GPR158: variants seen among roughly 807,000 people sequenced by gnomAD.
GPR158 encodes the protein G protein-coupled receptor 158.
A neutral mutation model predicts 78.2 loss-of-function variants in GPR158; 30 were observed. That is an observed-to-expected ratio of 0.38 (90% CI 0.29 to 0.52). The LOEUF (loss-of-function observed/expected upper bound fraction) is 0.52, where lower values mean the gene tolerates loss of function less well. Among genes scored for constraint, GPR158 ranks in the 20% least tolerant of loss-of-function variants. The probability of loss-of-function intolerance (pLI) is 0.83; values close to 1 mark genes in which losing one functional copy is unlikely to be tolerated. For synonymous variants in GPR158, 581 were observed against 591.1 expected, an observed-to-expected ratio of 0.98 and a Z score of 0.25; for missense variants, 1,463 against 1,523.5, an observed-to-expected ratio of 0.96 and a Z score of 0.66.
intron 2 of GPR158, among the ~76,000 whole-genome samples, chr10:25,278,567 T>A (rs1350237484): frequency 2.0e-5 from 3 of 152,020 alleles, no homozygotes; most frequent in Non-Finnish European, 4.4e-5. Flanking sequence ...GATAAAGTGC[T>A]GAGTGTATTT....
chr10:25,296,531 T>C (rs1854517874), intron 2 of GPR158, among the ~76,000 whole-genome samples: 1 of 152,192 alleles, frequency 6.6e-6, no homozygotes. Flanking sequence ...TGATTGATCT[T>C]TCCTTGTCCA....
intron 6 of GPR158, among the ~76,000 whole-genome samples, chr10:25,568,273 C>T (rs1278721556): frequency 6.6e-6 from 1 of 152,166 alleles, no homozygotes; most frequent in East Asian, 1.9e-4. Flanking sequence ...GATGGGGAGC[C>T]GTTGGAGTTT....
At chr10:25,504,525 G>T (rs545746653) in intron 5 of GPR158, among the ~76,000 whole-genome samples, 1 of 152,216 alleles carries the variant, frequency 6.6e-6, no homozygotes, top group African/African-American at 2.4e-5. Context: ...TCATCTGAAG[G>T]TATGTTAAAC....
chr10:25,353,364 C>G (rs1384946091), intron 2 of GPR158, among the ~76,000 whole-genome samples: 1 of 151,804 alleles, frequency 6.6e-6, no homozygotes, highest in East Asian at 1.9e-4. Flanking sequence ...AAATGGAGGC[C>G]AAGTTTTCTG....
chr10:25,298,606 G>C (rs921622383), intron 2 of GPR158, among the ~76,000 whole-genome samples: 3 of 152,090 alleles, frequency 2.0e-5, no homozygotes, highest in African/African-American at 7.2e-5. Context: ...TCCTTTATCA[G>C]CTCAGCCAGA....
chr10:25,357,872 G>C (rs1855574907), intron 2 of GPR158, among the ~76,000 whole-genome samples: 1 of 152,054 alleles, frequency 6.6e-6, no homozygotes, highest in Admixed American at 6.6e-5. Flanking sequence ...GATTCACTGA[G>C]AGCTTGTACT....
chr10:25,533,083 CA>C (rs912776844), intron 5 of GPR158, among the ~76,000 whole-genome samples: 1 of 151,980 alleles, frequency 6.6e-6, no homozygotes, highest in Admixed American at 6.6e-5. Flanking sequence ...TTTTGTCTTG[CA>C]AAAAATGCTT....
intron 2 of GPR158, among the ~76,000 whole-genome samples, chr10:25,264,048 C>T (rs962345640): frequency 1.7e-4 from 26 of 152,162 alleles, no homozygotes; most frequent in African/African-American, 5.8e-4. Flanking sequence ...TCATTCCTAA[C>T]TGATGAATAT....
chr10:25,241,430 T>C lies in GPR158; in HGVS notation c.1008+20273T>C, dbSNP rs533913856. 2.0e-5 allele frequency among the ~76,000 whole-genome samples: 3 copies of C among 149,296 alleles called. 1 individual carries two copies. In the South Asian group the frequency reaches 6.4e-4, roughly 32 times the overall value. On this transcript the variant is annotated intron_variant, in intron 2 of 10. Transcript: ENST00000376351. ...TCTTCTCTTTTCTTTTCTTTTCTTTTCTTTTCTTTCGACAGAGTCTTGCTC... is the reference window on the plus strand; with the variant it reads ...TCTTCTCTTTTCTTTTCTTTTCTTTCCTTTTCTTTCGACAGAGTCTTGCTC...
At chr10:25,484,362 G>T (rs1444563564) in intron 5 of GPR158, among the ~76,000 whole-genome samples, 1 of 152,170 alleles carries the variant, frequency 6.6e-6, no homozygotes, top group Non-Finnish European at 1.5e-5. Context: ...GAATAAGCAA[G>T]GAAAGGTTAA....
chr10:25,211,980 T>C (rs1853137753), intron 1 of GPR158, among the ~76,000 whole-genome samples: 1 of 152,206 alleles, frequency 6.6e-6, no homozygotes, highest in South Asian at 2.1e-4. Context: ...CCTCTTTTTC[T>C]TTTTCACAAC....
At chr10:25,263,815 T>C (rs1418937464) in intron 2 of GPR158, among the ~76,000 whole-genome samples, 1 of 152,164 alleles carries the variant, frequency 6.6e-6, no homozygotes, top group African/African-American at 2.4e-5. Context: ...TGGGTGCCTG[T>C]AATCCCATCT....
intron 5 of GPR158, among the ~76,000 whole-genome samples, chr10:25,540,898 A>G (rs894727559): frequency 3.3e-5 from 5 of 150,904 alleles, no homozygotes; most frequent in African/African-American, 1.2e-4. Flanking sequence ...ATATGTAACA[A>G]ACCTGCACAT....
chr10:25,277,760 G>C (rs1854205559), intron 2 of GPR158, among the ~76,000 whole-genome samples: 1 of 152,102 alleles, frequency 6.6e-6, no homozygotes, highest in African/African-American at 2.4e-5. Context: ...AAATAGCCCA[G>C]AAAAAACTTC....
chr10:25,356,232 C>G (rs1252380092), intron 2 of GPR158, among the ~76,000 whole-genome samples: 1 of 151,982 alleles, frequency 6.6e-6, no homozygotes, highest in Non-Finnish European at 1.5e-5. Context: ...TTTTTCACTT[C>G]TATGTGGCCC....
At chr10:25,284,241 G>T (rs1482776429) in intron 2 of GPR158, among the ~76,000 whole-genome samples, 1 of 151,892 alleles carries the variant, frequency 6.6e-6, no homozygotes, top group East Asian at 1.9e-4. Flanking sequence ...GTGTGGGTTT[G>T]TCTATTTTTC....
chr10:25,249,693 G>A (rs1190113631), intron 2 of GPR158, among the ~76,000 whole-genome samples: 1 of 151,762 alleles, frequency 6.6e-6, no homozygotes, highest in African/African-American at 2.4e-5. Context: ...GCTTTTTGAT[G>A]TGCTGCTGGA....
intron 5 of GPR158, among the ~76,000 whole-genome samples, chr10:25,492,247 A>G: frequency 6.6e-6 from 1 of 152,152 alleles, no homozygotes; most frequent in East Asian, 1.9e-4. Context: ...CCACCTGCAT[A>G]ACCCAAACAC....
intron 5 of GPR158, among the ~76,000 whole-genome samples, chr10:25,500,354 G>A (rs1300124291): frequency 6.6e-6 from 1 of 152,174 alleles, no homozygotes; most frequent in Non-Finnish European, 1.5e-5. Context: ...CCTGTGTGAG[G>A]CCTTCATTGG....
Sources: gnomAD v4.1 joint callset for allele counts (sites outside exome capture counted in the v4.1 genomes callset) on GRCh38, gnomAD v4.1.1 for gene constraint, MANE v1.5 for transcripts, NCBI Gene and HGNC (gene_info 2026-07-23, HGNC 2026-07-21) for gene names.